PIKFYVE: variants seen among roughly 807,000 people sequenced by gnomAD.
The protein encoded by PIKFYVE is phosphoinositide kinase, FYVE-type zinc finger containing, also known as 1-phosphatidylinositol 3-phosphate 5-kinase.
In PIKFYVE, 122 loss-of-function variants were observed where a neutral mutation model predicts 257.9. The observed-to-expected ratio is 0.47, with a 90% CI of 0.41 to 0.55. The LOEUF (loss-of-function observed/expected upper bound fraction) is 0.55. Among genes scored for constraint, PIKFYVE ranks in the 20% least tolerant of loss-of-function variants. The pLI, the probability that PIKFYVE is intolerant of heterozygous loss-of-function variation, is 0.00. For missense variants in PIKFYVE, 2,160 were observed against 2,536.6 expected (o/e 0.85, Z 3.19); for synonymous variants, 892 against 868.9 (o/e 1.03, Z -0.47).
rs113671740 is a variant in PIKFYVE at position 208,319,940 on chromosome 2, C to T, written c.2083-312C>T. Among the ~76,000 whole-genome samples the T allele has an allele frequency of 8.9e-3, 1,350 of 151,842 alleles. 20 individuals are homozygous for T. Among genetic ancestry groups the T allele is most frequent in the African/African-American group, 0.031 (1,269 of 41,382 alleles). On this transcript the variant is annotated intron_variant, in intron 16 of 41. Transcript: ENST00000264380. ...ACCTGTCATTAAATACTGCTCCCTC[C>T]GTGCACACTCAGGGCATGATGTCTC...
At chr2:208,305,847 T>C (rs1694256701) in intron 12 of PIKFYVE, among the ~76,000 whole-genome samples, 1 of 152,228 alleles carries the variant, frequency 6.6e-6, no homozygotes, top group South Asian at 2.1e-4. Flanking sequence ...TTGTAATAAC[T>C]GAAAAATCAT....
At chr2:208,271,940 A>G (rs1689468540) in intron 2 of PIKFYVE, among the ~76,000 whole-genome samples, 1 of 152,154 alleles carries the variant, frequency 6.6e-6, no homozygotes, top group African/African-American at 2.4e-5. Flanking sequence ...TCTGGATTAA[A>G]AGCTAAATGT....
intron 5 of PIKFYVE, among the ~76,000 whole-genome samples, chr2:208,284,947 C>T (rs1024355308): frequency 6.6e-6 from 1 of 152,068 alleles, no homozygotes; most frequent in African/African-American, 2.4e-5. Flanking sequence ...CTTGGCCCCC[C>T]AAAGTGCTGG....
chr2:208,350,048 A>C lies in PIKFYVE; in HGVS notation c.5399A>C (p.Gln1800Pro), dbSNP rs1232128694. Residue 1800 changes from glutamine (Q) to proline (P), a missense_variant, in exon 36 of 42, where the codon CAA becomes CCA. Gln to Pro is a moderately conservative substitution (Grantham distance 76, BLOSUM62 -1). Coordinates refer to ENST00000264380, the MANE Select transcript of PIKFYVE (RefSeq NM_015040.4). ...GATGAAGTAGATGGAGGAGATACAC[A>C]AAAGAAGCAACTCATAAATCCTCAT... is the stretch of plus-strand genomic sequence containing the variant. ...PQDEVDGGDT[Q>P]KKQLINPHVE... is the part of the protein sequence containing the mutation. 6.2e-7 allele frequency: 1 copy of C among 1,611,958 alleles called. No homozygotes were observed. The highest frequency in any genetic ancestry group is 1.7e-5 in the Admixed American group (1 of 59,934).
At chr2:208,274,537 A>G (rs565918518) in intron 3 of PIKFYVE, among the ~76,000 whole-genome samples, 153 of 152,232 alleles carry the variant, frequency 1.0e-3, no homozygotes, top group African/African-American at 3.0e-3. Context: ...TGGCAGAAGG[A>G]TATTTTATTG....
intron 24 of PIKFYVE, among the ~76,000 whole-genome samples, chr2:208,334,699 TTTTG>T (rs1697940297): frequency 6.6e-6 from 1 of 152,236 alleles, no homozygotes; most frequent in Non-Finnish European, 1.5e-5. Flanking sequence ...TATGTATTTG[TTTTG>T]TTTGTTACCT....
intron 25 of PIKFYVE, 29 bp from the exon 26 acceptor site, chr2:208,335,764 A>G (rs763620988): frequency 4.0e-6 from 6 of 1,513,762 alleles, no homozygotes; most frequent in African/African-American, 1.4e-5. Context: ...CACCCTTTCT[A>G]AAGTGTTTAA....
intron 28 of PIKFYVE, among the ~76,000 whole-genome samples, chr2:208,337,325 T>C (rs1698232045): frequency 6.6e-6 from 1 of 152,152 alleles, no homozygotes; most frequent in Non-Finnish European, 1.5e-5. Flanking sequence ...TTAAGGTATT[T>C]GAACTGCGTA....
intron 5 of PIKFYVE, among the ~76,000 whole-genome samples, chr2:208,280,651 C>G (rs542115715): frequency 1.3e-5 from 2 of 152,164 alleles, no homozygotes; most frequent in African/African-American, 4.8e-5. Flanking sequence ...GACCAATCCC[C>G]TCTTCATTCA....
intron 14 of PIKFYVE, among the ~76,000 whole-genome samples, chr2:208,314,952 G>A (rs185694872): frequency 1.5e-4 from 23 of 151,882 alleles, no homozygotes; most frequent in South Asian, 1.0e-3. Context: ...CCCATTTTAC[G>A]TGTTAAAATT....
chr2:208,349,098 G>A (rs539536085), intron 35 of PIKFYVE, among the ~76,000 whole-genome samples: 1 of 152,302 alleles, frequency 6.6e-6, no homozygotes, highest in Admixed American at 6.5e-5. Context: ...AGGAGGTATA[G>A]GTTGCAGTGA....
In PIKFYVE at chr2:208,303,073, C is replaced by T. The variant is rs149236417; in HGVS notation, c.1320+720C>T. ...CTCCAGCCTGGGCGACAAAGCAAGG[C>T]TCCGTCTCAAAACAAACACAAACAA... On this transcript the variant is annotated intron_variant, in intron 10 of 41. Transcript: ENST00000264380. 2.2e-4 allele frequency among the ~76,000 whole-genome samples: 33 copies of T among 152,186 alleles called. No individual in the cohort carries two copies. In the Middle Eastern group the frequency reaches 0.01, roughly 47 times the overall value.
intron 35 of PIKFYVE, among the ~76,000 whole-genome samples, chr2:208,348,599 AGTGTGT>A (rs35997291): frequency 0.01 from 1,323 of 128,988 alleles, 11 homozygotes; most frequent in Middle Eastern, 0.024. Context: ...AAAAAAAAAA[AGTGTGT>A]GTGTGTGTGT....
At chr2:208,322,197 TAGTG>T (rs1337304976) in intron 17 of PIKFYVE, among the ~76,000 whole-genome samples, 4 of 151,514 alleles carry the variant, frequency 2.6e-5, no homozygotes, top group Non-Finnish European at 4.4e-5. Flanking sequence ...CTGGGTAACA[TAGTG>T]AGACTCTGTT....
At chr2:208,326,487 C>T in intron 20 of PIKFYVE, 58 bp downstream of exon 20, 5 of 1,547,686 alleles carry the variant, frequency 3.2e-6, no homozygotes, top group Non-Finnish European at 4.5e-6. Context: ...AATGACTCCT[C>T]AAAGGCAGGC....
intron 12 of PIKFYVE, among the ~76,000 whole-genome samples, chr2:208,311,795 A>G (rs1255411480): frequency 1.3e-5 from 2 of 152,160 alleles, no homozygotes; most frequent in Admixed American, 6.6e-5. Context: ...AAAAAAGTTT[A>G]TATTGTTTTA....
At chr2:208,350,317 A>G (rs1273676286) in intron 36 of PIKFYVE, among the ~76,000 whole-genome samples, 4 of 152,314 alleles carry the variant, frequency 2.6e-5, no homozygotes, top group Admixed American at 6.5e-5. Flanking sequence ...TCTTATTTCT[A>G]ATAGTTAAAC....
chr2:208,348,968 G>A (rs548075072), intron 35 of PIKFYVE, among the ~76,000 whole-genome samples: 1 of 152,062 alleles, frequency 6.6e-6, no homozygotes, highest in Non-Finnish European at 1.5e-5. Context: ...TTGGAGATGA[G>A]CCTGGCCGAC....
intron 28 of PIKFYVE, among the ~76,000 whole-genome samples, chr2:208,337,867 G>A (rs1006846240): frequency 3.9e-5 from 6 of 152,122 alleles, no homozygotes; most frequent in East Asian, 1.9e-4. Flanking sequence ...GATTACAGGC[G>A]TGTGCCACCA....
Sources: allele counts gnomAD v4.1 joint callset (sites outside exome capture counted in the v4.1 genomes callset), GRCh38; gene constraint gnomAD v4.1.1; transcripts MANE v1.5; gene names NCBI Gene and HGNC (gene_info 2026-07-23, HGNC 2026-07-21).